Variants in ALKBH5 observed in about 807,000 individuals in gnomAD.
ALKBH5 encodes the protein alkB homolog 5, RNA demethylase.
In ALKBH5, 2 loss-of-function variants were observed where a neutral mutation model predicts 32.1. The observed-to-expected ratio is 0.06, with a 90% CI of 0.03 to 0.20. The LOEUF is 0.20. ALKBH5 is among the 10% of genes least tolerant of loss of function. The pLI is 1.00. For synonymous variants in ALKBH5, 300 were observed against 231.7 expected, an observed-to-expected ratio of 1.29 and a Z score of -2.68; for missense variants, 352 against 559.5, an observed-to-expected ratio of 0.63 and a Z score of 3.74.
intron 1 of ALKBH5, among the ~76,000 whole-genome samples, chr17:18,192,861 T>C (rs1395059571): frequency 2.4e-5 from 2 of 84,918 alleles, no homozygotes; most frequent in Non-Finnish European, 5.6e-5. Flanking sequence ...TTTCTTTTTT[T>C]TTTTTTTTTT....
chr17:18,201,743 T>TTAGATAGATAGATAGA lies in ALKBH5; in HGVS notation c.852-5044_852-5029dup, dbSNP rs57485964. ...TTGGGCTACAGGGTGAGACTCCATC[T>TTAGATAGATAGATAGA]TAGATAGATAGATAGATAGATAGAT... On this transcript the variant is annotated intron_variant, in intron 2 of 3. Transcript: ENST00000399138. Among the ~76,000 whole-genome samples, 19 of 129,934 alleles carry TTAGATAGATAGATAGA rather than the reference T, an allele frequency of 1.5e-4. No individual in the cohort carries two copies. The East Asian group carries it at 1.7e-3, about 12-fold the overall frequency. 85.2% of individuals were successfully genotyped at this position (129,934 alleles called of 152,430 possible). A position where few individuals can be genotyped will look rare whatever the true frequency, so the allele number is the denominator to read the frequency against.
Position 18,184,399 on chromosome 17 carries a change from T to G in ALKBH5, c.156T>G (p.Pro52=). ...CCGCCGCTGCCGCCGAACCTTACCC[T>G]GTGTCCGGGGCCAAGCGCAAGTATC... ...AAAAAAAEPY[P]VSGAKRKYQE... is the part of the protein sequence containing the mutation. The change falls in exon 1 of 4, where the codon CCT becomes CCG. Residue 52 remains proline (P), a synonymous_variant. Coordinates refer to ENST00000399138, the MANE Select transcript of ALKBH5 (RefSeq NM_017758.4). 6.4e-7 allele frequency: 1 copy of G among 1,563,386 alleles called. No homozygotes were observed. The highest frequency in any genetic ancestry group is 8.7e-7 in the Non-Finnish European group (1 of 1,154,894).
rs747919992 is a variant in ALKBH5 at position 18,198,167 on chromosome 17, C to G, written c.851+3132C>G. On this transcript the variant is annotated intron_variant, in intron 2 of 3. Transcript: ENST00000399138. ...TGCAGAAAGCATCATATAAAAAGCC[C>G]TTTAGCTTTTTAGCATCACCTAAAG... Among the ~76,000 whole-genome samples the G allele has an allele frequency of 4.6e-5, 7 of 152,186 alleles. No homozygotes were observed. In the South Asian group the frequency reaches 1.5e-3, roughly 32 times the overall value.
intron 2 of ALKBH5, among the ~76,000 whole-genome samples, chr17:18,198,157 A>G (rs930450944): frequency 5.9e-5 from 9 of 152,232 alleles, no homozygotes; most frequent in African/African-American, 1.9e-4. Flanking sequence ...AAAGCATCAT[A>G]TAAAAAGCCC....
intron 1 of ALKBH5, among the ~76,000 whole-genome samples, chr17:18,187,629 T>A (rs1350420087): frequency 1.3e-5 from 2 of 152,284 alleles, no homozygotes; most frequent in Admixed American, 1.3e-4. Flanking sequence ...CTTCCACTAA[T>A]TAAATCTTCT....
chr17:18,196,025 C>T (rs1345324179), intron 2 of ALKBH5, among the ~76,000 whole-genome samples: 2 of 152,010 alleles, frequency 1.3e-5, no homozygotes, highest in Admixed American at 1.3e-4. Flanking sequence ...ACTCTGCATC[C>T]CATTTCTCCT....
intron 2 of ALKBH5, among the ~76,000 whole-genome samples, chr17:18,199,377 C>G (rs114925150): frequency 1.0e-3 from 152 of 152,334 alleles, no homozygotes; most frequent in African/African-American, 3.5e-3. Context: ...AAGAGGCTGA[C>G]AAACTTCTGG....
Position 18,184,568 on chromosome 17 carries a change from G to A in ALKBH5, c.325G>A (p.Glu109Lys). 1 of 1,613,366 alleles carries A rather than the reference G, an allele frequency of 6.2e-7. No homozygotes were observed. The highest frequency in any genetic ancestry group is 8.5e-7 in the Non-Finnish European group (1 of 1,180,024). ...CGCCAAGATCGAGGCCCGCATTGAC[G>A]AGGTGGTGTCCCGCGCTGAGAAGGG... ...ECAKIEARIDEVVSRAEKGLY... is the reference protein window; with the variant it reads ...ECAKIEARIDKVVSRAEKGLY... The change falls in exon 1 of 4, where the codon GAG (glutamate) becomes AAG (lysine). Residue 109 changes from glutamate (E) to lysine (K), a missense_variant. Around this residue, in one of 4 missense-constraint regions of ALKBH5, gnomAD observed 28 missense variants for 53.1 expected, o/e 0.53. Transcript: ENST00000399138.
rs888616212 is a variant in ALKBH5, at chr17:18,205,722, A to C, written c.852-1093A>C. Among the ~76,000 whole-genome samples the C allele has an allele frequency of 7.2e-5, 11 of 152,288 alleles. No individual in the cohort carries two copies. The South Asian group carries it at 2.3e-3, about 32-fold the overall frequency. ...GGGAATGGGGGAAACTGAGGACCAG[A>C]TGCAGTTGTTACCAAGGATGCCAAG... On this transcript the variant is annotated intron_variant, in intron 2 of 3. Transcript: ENST00000399138.
At position 18,206,973 on chromosome 17, in the gene ALKBH5, A is replaced by G; in HGVS notation, c.1007+3A>G. The G allele has an allele frequency of 1.2e-6, 2 of 1,614,030 alleles. No homozygotes were observed. Among genetic ancestry groups the G allele is most frequent in the African/African-American group, 1.3e-5 (1 of 75,072 alleles). ...GCAGACCCTGATGCTGCCCACAGGT[A>G]CTCAGTTTAGGACCCTCAGCAAAGG... On this transcript the variant is annotated splice_donor_region_variant and intron_variant, in intron 3 of 3. Transcript: ENST00000399138.
At chr17:18,187,204 G>A (rs2047144490) in intron 1 of ALKBH5, among the ~76,000 whole-genome samples, 1 of 152,038 alleles carries the variant, frequency 6.6e-6, no homozygotes, top group African/African-American at 2.4e-5. Context: ...GAAGTTTAGG[G>A]GAGGAAATGA....
intron 1 of ALKBH5, among the ~76,000 whole-genome samples, chr17:18,185,817 C>CGTGTT (rs1753825848): frequency 1.3e-5 from 2 of 152,206 alleles, no homozygotes; most frequent in African/African-American, 4.8e-5. Flanking sequence ...ATTGGGAACA[C>CGTGTT]CTTTGCTGTT....
chr17:18,205,310 G>C (rs1302074452), intron 2 of ALKBH5, among the ~76,000 whole-genome samples: 1 of 152,198 alleles, frequency 6.6e-6, no homozygotes, highest in Non-Finnish European at 1.5e-5. Flanking sequence ...TCCTGTTGAT[G>C]TTAGGTTCTG....
intron 2 of ALKBH5, among the ~76,000 whole-genome samples, chr17:18,201,793 TAAGATAGA>T (rs1228489772): frequency 1.3e-5 from 1 of 74,214 alleles, no homozygotes. Flanking sequence ...ATAGGATAGA[TAAGATAGA>T]TAGATAGATA....
chr17:18,198,156 T>C (rs777912449), intron 2 of ALKBH5, among the ~76,000 whole-genome samples: 1 of 152,360 alleles, frequency 6.6e-6, no homozygotes, highest in Non-Finnish European at 1.5e-5. Context: ...GAAAGCATCA[T>C]ATAAAAAGCC....
In ALKBH5 at chr17:18,187,672, A is replaced by C. The variant is rs57428041; in HGVS notation, c.770+2659A>C. Among the ~76,000 whole-genome samples, 20 of 152,336 alleles carry C rather than the reference A, an allele frequency of 1.3e-4. No homozygotes were observed. The East Asian group carries it at 3.9e-3, about 29-fold the overall frequency. On this transcript the variant is annotated intron_variant, in intron 1 of 3. Transcript: ENST00000399138. Reference sequence around the variant, plus strand: ...GCATACTTAGCTTACCTTGGTATGCAGGTGGGTGAACACCTGCCTATTAGT... The same window carrying C: ...GCATACTTAGCTTACCTTGGTATGCCGGTGGGTGAACACCTGCCTATTAGT...
At chr17:18,204,846 T>TTAG (rs1362080372) in intron 2 of ALKBH5, among the ~76,000 whole-genome samples, 1 of 152,050 alleles carries the variant, frequency 6.6e-6, no homozygotes, top group Non-Finnish European at 1.5e-5. Flanking sequence ...GGAGGATCAC[T>TTAG]TAGAAGAGTT....
At chr17:18,206,480 A>G (rs1219591404) in intron 2 of ALKBH5, 1 of 205,732 alleles carries the variant, frequency 4.9e-6, no homozygotes, top group African/African-American at 2.3e-5. Flanking sequence ...ATGGCCCCAG[A>G]GAACCTGTGG....
intron 2 of ALKBH5, among the ~76,000 whole-genome samples, chr17:18,201,800 G>A: frequency 1.6e-5 from 1 of 61,076 alleles, no homozygotes; most frequent in African/African-American, 8.1e-5. Context: ...AGATAAGATA[G>A]ATAGATAGAT....
Sources: gnomAD v4.1 joint callset for allele counts (sites outside exome capture counted in the v4.1 genomes callset) on GRCh38, gnomAD v4.1.1 for gene constraint, gnomAD v4.1.1 regional missense constraint, MANE v1.5 for transcripts, NCBI Gene and HGNC (gene_info 2026-07-23, HGNC 2026-07-21) for gene names.